Variants in ZNF568 observed in about 807,000 individuals in gnomAD.
The protein encoded by ZNF568 is p53 inhibitor of SCO2 activation.
ZNF568 carries 11 observed loss-of-function variants against 18.1 expected under a neutral mutation model. That is an observed-to-expected ratio of 0.61 (90% confidence interval 0.38 to 1.00). The LOEUF (loss-of-function observed/expected upper bound fraction) is 1.00. Ranked by LOEUF, ZNF568 falls within the 50% of genes least tolerant of loss-of-function variation. The pLI is 0.01. For synonymous variants in ZNF568, 213 were observed against 246.6 expected, an observed-to-expected ratio of 0.86 and a Z score of 1.28; for missense variants, 639 against 768.2, an observed-to-expected ratio of 0.83 and a Z score of 1.99.
At chr19:36,940,866 G>C (rs2073868866) in intron 6 of ZNF568, among the ~76,000 whole-genome samples, 1 of 152,140 alleles carries the variant, frequency 6.6e-6, no homozygotes. Context: ...AAAATGTTTG[G>C]AAAGTAAAAT....
intron 2 of ZNF568, among the ~76,000 whole-genome samples, chr19:36,918,095 C>T (rs1177623106): frequency 2.6e-5 from 4 of 152,048 alleles, no homozygotes; most frequent in African/African-American, 7.2e-5. Context: ...ACTACAGACG[C>T]GCCACCACGC....
At chr19:36,957,232 T>C (rs1392349991), downstream of ZNF568, among the ~76,000 whole-genome samples, 1 of 143,698 alleles carries the variant, frequency 7.0e-6, no homozygotes, top group Non-Finnish European at 1.5e-5. Flanking sequence ...TTTTTTTTTT[T>C]TTTTTTTTTT....
At chr19:36,930,333 C>A (rs146088773) in intron 4 of ZNF568, among the ~76,000 whole-genome samples, 1,635 of 151,988 alleles carry the variant, frequency 0.011, 36 homozygotes, top group African/African-American at 0.037. Context: ...CCTCAGCCTC[C>A]CGAGTCGCTG....
Position 36,951,816 on chromosome 19 carries a change from A to G in ZNF568, c.*728A>G. On this transcript the variant is annotated 3_prime_UTR_variant, in exon 7 of 7. Coordinates refer to ENST00000333987, the MANE Select transcript of ZNF568 (RefSeq NM_198539.4). ...TTTGTTTTTTGTATTTTTAGTAGAG[A>G]CGGGGTTTCACCATGTTGGCCAGGG... The G allele has an allele frequency of 3.0e-6, 1 of 332,608 alleles. No individual in the cohort carries two copies. The highest frequency in any genetic ancestry group is 4.3e-6 in the Non-Finnish European group (1 of 234,398). 20.6% of individuals were successfully genotyped at this position (332,608 alleles called of 1,614,324 possible).
chr19:36,953,892 C>T (rs2074087848), downstream of ZNF568, among the ~76,000 whole-genome samples: 1 of 151,374 alleles, frequency 6.6e-6, no homozygotes, highest in Admixed American at 6.6e-5. Context: ...GTCTGCGTGA[C>T]AGAGTAAGAC....
chr19:36,924,538 A>T (rs1254568912), intron 3 of ZNF568, among the ~76,000 whole-genome samples: 7 of 75,942 alleles, frequency 9.2e-5, no homozygotes, highest in Non-Finnish European at 1.6e-4. Context: ...TGGTTAAAAA[A>T]TAACATTTTA....
rs1363587607 is a variant in ZNF568, at chr19:36,996,313, G to T, written c.230-4G>T. The T allele has an allele frequency of 4.6e-6, 7 of 1,515,136 alleles. No individual in the cohort carries two copies. The African/African-American group carries it at 9.8e-5, about 21-fold the overall frequency. The allele number at this position is 1,515,136 out of a possible 1,614,324, so 93.9% of individuals were successfully genotyped here. A position where few individuals can be genotyped will look rare whatever the true frequency, so the allele number is the denominator to read the frequency against. On this transcript the variant is annotated splice_region_variant and splice_polypyrimidine_tract_variant and intron_variant, in intron 4 of 4. Coordinates refer to the ZNF568 transcript ENST00000433993. ...CTCCTATTTTCTTTCTTATTATTTT[G>T]CAGATTGGGAGTTTGGAAGAGAAAC...
At chr19:36,943,328 A>C (rs35011739) in intron 6 of ZNF568, among the ~76,000 whole-genome samples, 55,340 of 144,122 alleles carry the variant, frequency 0.38, 10,353 homozygotes, top group African/African-American at 0.45. Context: ...CCATTATTTT[A>C]TTGAGCGTCT....
exon 5 of ZNF568, chr19:36,996,360 A>G: frequency 6.5e-7 from 1 of 1,533,820 alleles, no homozygotes; most frequent in Admixed American, 2.0e-5. Context: ...CTCCAAAGGA[A>G]AACATTTATG....
intron 2 of ZNF568, among the ~76,000 whole-genome samples, chr19:36,986,826 A>G (rs2074380588): frequency 6.6e-6 from 1 of 152,072 alleles, no homozygotes; most frequent in South Asian, 2.1e-4. Context: ...TGTGATCTGC[A>G]GTGACAAACA....
intron 4 of ZNF568, among the ~76,000 whole-genome samples, chr19:36,935,332 C>A (rs955958381): frequency 6.6e-6 from 1 of 151,918 alleles, no homozygotes. Flanking sequence ...GAGGCTGAGG[C>A]GGGTGGATCA....
chr19:36,971,548 C>A (rs1039206816), intron 6 of ZNF568, among the ~76,000 whole-genome samples: 1 of 152,122 alleles, frequency 6.6e-6, no homozygotes, highest in Non-Finnish European at 1.5e-5. Context: ...CTGCTGTTAA[C>A]AATTAACTTT....
intron 2 of ZNF568, among the ~76,000 whole-genome samples, chr19:36,919,536 C>T (rs62115612): frequency 0.12 from 18,696 of 152,064 alleles, 1,263 homozygotes; most frequent in Middle Eastern, 0.19. Flanking sequence ...ATATCCCTCG[C>T]ATGCACAGTT....
intron 6 of ZNF568, among the ~76,000 whole-genome samples, chr19:36,938,826 T>C (rs771922771): frequency 3.9e-5 from 6 of 152,222 alleles, no homozygotes; most frequent in Non-Finnish European, 7.3e-5. Flanking sequence ...TCTTTAAAGC[T>C]TAAGTGGCTT....
chr19:36,991,414 A>G, intron 3 of ZNF568: 6 of 1,300,614 alleles, frequency 4.6e-6, no homozygotes, highest in Non-Finnish European at 6.1e-6. Context: ...AAGTACCTGG[A>G]TGAGTTAATG....
At chr19:36,965,720 TTTTA>T (rs1210172354) in intron 6 of ZNF568, among the ~76,000 whole-genome samples, 6 of 105,124 alleles carry the variant, frequency 5.7e-5, no homozygotes, top group Non-Finnish European at 7.8e-5. Flanking sequence ...TTTTTTTTTT[TTTTA>T]AGAGTCTTGC....
chr19:36,918,453 TACAC>T (rs550208959), intron 2 of ZNF568, among the ~76,000 whole-genome samples: 163 of 150,282 alleles, frequency 1.1e-3, no homozygotes, highest in African/African-American at 3.9e-3. Flanking sequence ...AAATCATTGT[TACAC>T]GTTATTGTTT....
downstream of ZNF568, among the ~76,000 whole-genome samples, chr19:36,953,590 A>G (rs1410098902): frequency 6.6e-6 from 1 of 152,138 alleles, no homozygotes; most frequent in African/African-American, 2.4e-5. Context: ...GTTGATATAC[A>G]TTACAGAAAG....
intron 4 of ZNF568, among the ~76,000 whole-genome samples, chr19:36,928,065 C>T (rs2073614967): frequency 6.7e-6 from 1 of 150,038 alleles, no homozygotes; most frequent in South Asian, 2.1e-4. Flanking sequence ...CAGGGGTACA[C>T]CACCATGCCT....
Sources: allele counts gnomAD v4.1 joint callset (sites outside exome capture counted in the v4.1 genomes callset), GRCh38; gene constraint gnomAD v4.1.1; transcripts MANE v1.5; gene names NCBI Gene and HGNC (gene_info 2026-07-23, HGNC 2026-07-21).